Variants in NMBR observed in about 807,000 individuals in gnomAD.
NMBR encodes the protein neuromedin B receptor.
In NMBR, 16 loss-of-function variants were observed where a neutral mutation model predicts 20.5. The observed-to-expected ratio is 0.78, with a 90% confidence interval of 0.53 to 1.19. The LOEUF is 1.19. NMBR is among the 50% of genes most tolerant of loss of function. The probability of loss-of-function intolerance (pLI) is 0.00; values close to 1 mark genes in which losing one functional copy is unlikely to be tolerated. For missense variants in NMBR, 582 were observed against 499.1 expected (o/e 1.17, Z -1.58); for synonymous variants, 212 against 196.6 (o/e 1.08, Z -0.65).
At chr6:142,111,781 C>T (rs1261897719) in intron 1 of NMBR, among the ~76,000 whole-genome samples, 4 of 152,156 alleles carry the variant, frequency 2.6e-5, no homozygotes, top group South Asian at 4.1e-4. Flanking sequence ...TCTAAGTAAA[C>T]GCCTCTGAAT....
rs143566266 is a variant in NMBR, at chr6:142,097,240, G to A, written c.-663-7919C>T. On this transcript the variant is annotated intron_variant, in intron 1 of 3. Transcript: ENST00000258042. ...ATGATGTTAGCTGGTGATTTTGCTCGTTAGTTGATGCAGTTTCTTCCTAGC... is the reference window on the plus strand; with the variant it reads ...ATGATGTTAGCTGGTGATTTTGCTCATTAGTTGATGCAGTTTCTTCCTAGC... 4.6e-3 allele frequency among the ~76,000 whole-genome samples: 696 copies of A among 152,160 alleles called. 3 individuals carry two copies. Among genetic ancestry groups the A allele is most frequent in the African/African-American group, 0.016 (665 of 41,502 alleles).
chr6:142,134,000 T>A, intron 1 of NMBR: 1 of 702,424 alleles, frequency 1.4e-6, no homozygotes, highest in Non-Finnish European at 2.6e-6. Flanking sequence ...AAACCTCTTC[T>A]GTTACAATCA....
intron 1 of NMBR, among the ~76,000 whole-genome samples, chr6:142,145,365 T>C (rs1778414425): frequency 6.6e-6 from 1 of 152,158 alleles, no homozygotes; most frequent in African/African-American, 2.4e-5. Flanking sequence ...AGTCAAGTAG[T>C]AATGGCTAGG....
In NMBR at chr6:142,088,241, C is replaced by A. The variant is rs138030969; in HGVS notation, c.418G>T (p.Asp140Tyr). The change falls in exon 2 of 4, where the codon GAC (aspartate) becomes TAC (tyrosine). Residue 140 changes from aspartate to tyrosine, a missense_variant. Transcript: ENST00000258042. ...CACAGCTACCTGTGCTCTTACCTGTCGGCGCTGAGGGCAGTGAGAGTGAAC... is the reference window on the plus strand; with the variant it reads ...CACAGCTACCTGTGCTCTTACCTGTAGGCGCTGAGGGCAGTGAGAGTGAAC... ...SVFTLTALSA[D>Y]RYRAIVNPMD... is the part of the protein sequence containing the mutation. 6.2e-7 allele frequency: 1 copy of A among 1,610,158 alleles called. No homozygotes were observed. Among genetic ancestry groups the A allele is most frequent in the Non-Finnish European group, 8.5e-7 (1 of 1,179,524 alleles).
intron 1 of NMBR, among the ~76,000 whole-genome samples, chr6:142,094,078 A>T (rs969689181): frequency 1.3e-5 from 2 of 151,952 alleles, no homozygotes; most frequent in Non-Finnish European, 2.9e-5. Context: ...AGATTGCAAA[A>T]ATTTTATCCC....
At chr6:142,077,235 G>C in intron 3 of NMBR, among the ~76,000 whole-genome samples, 1 of 152,158 alleles carries the variant, frequency 6.6e-6, no homozygotes, top group East Asian at 1.9e-4. Flanking sequence ...CAGATGTCAA[G>C]ACCCAGTTGC....
chr6:142,109,476 C>CTT (rs77684305), intron 1 of NMBR, among the ~76,000 whole-genome samples: 1,926 of 108,314 alleles, frequency 0.018, 98 homozygotes, highest in African/African-American at 0.059. Flanking sequence ...TTGGGTATGT[C>CTT]TTTTTTTTTT....
chr6:142,087,912 T>C (rs1207998198), intron 2 of NMBR, among the ~76,000 whole-genome samples: 3 of 152,238 alleles, frequency 2.0e-5, no homozygotes, highest in Non-Finnish European at 4.4e-5. Flanking sequence ...AGATACTCGC[T>C]CTTTTGCATG....
intron 1 of NMBR, among the ~76,000 whole-genome samples, chr6:142,127,951 T>C (rs188681866): frequency 5.4e-4 from 82 of 152,184 alleles, no homozygotes; most frequent in African/African-American, 1.7e-3. Flanking sequence ...ATAATTTTAC[T>C]TCTTTTTTTC....
intron 1 of NMBR, among the ~76,000 whole-genome samples, chr6:142,101,211 C>T (rs1007672006): frequency 1.3e-5 from 2 of 152,210 alleles, no homozygotes. Flanking sequence ...TTGGACCAGT[C>T]TCAATGATTA....
intron 2 of NMBR, among the ~76,000 whole-genome samples, 197 bp from the exon 3 acceptor site, chr6:142,079,100 G>A (rs781280630): frequency 1.1e-3 from 41 of 38,016 alleles, no homozygotes; most frequent in African/African-American, 8.4e-3. Context: ...GAGAAAGAGA[G>A]AGAGAGAAAG....
chr6:142,110,055 AATAG>A lies in NMBR; in HGVS notation c.-663-20738_-663-20735del, dbSNP rs542658873. On this transcript the variant is annotated intron_variant, in intron 1 of 3. Coordinates refer to ENST00000258042, the MANE Select transcript of NMBR (RefSeq NM_002511.4). ...GAACTAAGACAGATGGCTACGACCA[AATAG>A]ATGGACACAAAAAAAAGTGTTGGCA... Among the ~76,000 whole-genome samples, 18 of 152,336 alleles carry A rather than the reference AATAG, an allele frequency of 1.2e-4. No homozygotes were observed. In the East Asian group the frequency reaches 3.3e-3, roughly 28 times the overall value.
chr6:142,106,671 T>C (rs1473036600), intron 1 of NMBR, among the ~76,000 whole-genome samples: 1 of 152,204 alleles, frequency 6.6e-6, no homozygotes, highest in African/African-American at 2.4e-5. Context: ...AATTGTTAAC[T>C]AGACAACAAA....
chr6:142,145,896 A>C (rs1209184276), intron 1 of NMBR, among the ~76,000 whole-genome samples: 1 of 152,214 alleles, frequency 6.6e-6, no homozygotes. Flanking sequence ...TTGATCTTTA[A>C]GGGCAGCTGC....
chr6:142,111,107 G>T (rs1456013980), intron 1 of NMBR, among the ~76,000 whole-genome samples: 1 of 152,024 alleles, frequency 6.6e-6, no homozygotes, highest in Non-Finnish European at 1.5e-5. Context: ...AGGAGTGGTG[G>T]CATGCGCGTG....
chr6:142,146,310 C>CT (rs1421923287), intron 1 of NMBR, among the ~76,000 whole-genome samples: 3 of 152,066 alleles, frequency 2.0e-5, no homozygotes, highest in African/African-American at 7.2e-5. Context: ...GATTTTGGCT[C>CT]TTGGGGATAG....
intron 1 of NMBR, among the ~76,000 whole-genome samples, chr6:142,125,462 T>C (rs889920825): frequency 1.3e-5 from 2 of 152,008 alleles, no homozygotes; most frequent in Admixed American, 1.3e-4. Context: ...CACATATACA[T>C]GTGCATGCAT....
At chr6:142,078,935 G>A in intron 2 of NMBR, 32 bp from the exon 3 acceptor site, 20 of 1,241,744 alleles carry the variant, frequency 1.6e-5, no homozygotes, top group South Asian at 7.0e-5. Flanking sequence ...AGTTATTCCA[G>A]AAAGAAAGGA....
chr6:142,117,652 G>C (rs1364077678), intron 1 of NMBR, among the ~76,000 whole-genome samples: 1 of 151,910 alleles, frequency 6.6e-6, no homozygotes, highest in Non-Finnish European at 1.5e-5. Flanking sequence ...TGGAGTTTAT[G>C]CACATAAGAC....
Sources: gnomAD v4.1 joint callset for allele counts (sites outside exome capture counted in the v4.1 genomes callset) on GRCh38, gnomAD v4.1.1 for gene constraint, MANE v1.5 for transcripts, NCBI Gene and HGNC (gene_info 2026-07-23, HGNC 2026-07-21) for gene names.